The following RBFOX1 variants were observed in gnomAD, a reference collection of about 807,000 sequenced individuals.
RBFOX1 encodes RNA binding fox-1 homolog 1.
Under a neutral mutation model 57.7 loss-of-function variants are expected in RBFOX1, and 8 were observed. That is an observed-to-expected ratio of 0.14 (90% CI 0.08 to 0.25). The LOEUF is 0.25. RBFOX1 is among the 10% of genes least tolerant of loss of function. The pLI, the probability that RBFOX1 is intolerant of heterozygous loss-of-function variation, is 1.00. For missense variants in RBFOX1, 611 were observed against 548.5 expected (o/e 1.11, Z -1.14); for synonymous variants, 326 against 222.4 (o/e 1.47, Z -4.15).
At chr16:6,194,924 A>G (rs1031755887) in intron 1 of RBFOX1, among the ~76,000 whole-genome samples, 5 of 152,206 alleles carry the variant, frequency 3.3e-5, no homozygotes, top group African/African-American at 7.2e-5. Flanking sequence ...GTAGATATGA[A>G]TAGTTTTCAA....
At chr16:7,633,985 A>G (rs940408329) in intron 11 of RBFOX1, among the ~76,000 whole-genome samples, 2 of 152,164 alleles carry the variant, frequency 1.3e-5, no homozygotes, top group African/African-American at 4.8e-5. Context: ...GGTTATTTTT[A>G]CATGCAGGCC....
intron 4 of RBFOX1, among the ~76,000 whole-genome samples, chr16:7,128,818 C>CTTTTTTTTTTTTTTTTTTTT (rs759893956): frequency 7.9e-6 from 1 of 126,968 alleles, no homozygotes; most frequent in African/African-American, 3.0e-5. Flanking sequence ...TTTCTTTTTA[C>CTTTTTTTTTTTTTTTTTTTT]TTTTTTTTTT....
In RBFOX1 at chr16:7,627,914, ATT is replaced by A. The variant is rs34947164; in HGVS notation, c.677-2676_677-2675del. Among the ~76,000 whole-genome samples the A allele has an allele frequency of 5.4e-3, 789 of 146,952 alleles. 9 individuals carry two copies. Among genetic ancestry groups the A allele is most frequent in the African/African-American group, 0.018 (722 of 40,420 alleles). ...AAAAGGTCAAAATCATTGCATAAAG[ATT>A]TTTTTTTTTTTTAACTACGAAGAAA... On this transcript the variant is annotated intron_variant, in intron 10 of 15. Coordinates refer to ENST00000550418, the MANE Select transcript of RBFOX1 (RefSeq NM_018723.4).
At chr16:6,461,614 T>A (rs2094923402) in intron 2 of RBFOX1, among the ~76,000 whole-genome samples, 1 of 152,262 alleles carries the variant, frequency 6.6e-6, no homozygotes, top group South Asian at 2.1e-4. Context: ...TAACTTTGTC[T>A]TTTTTGTTCA....
intron 2 of RBFOX1, among the ~76,000 whole-genome samples, chr16:6,597,730 A>G (rs1177952006): frequency 6.6e-6 from 1 of 152,150 alleles, no homozygotes; most frequent in Admixed American, 6.6e-5. Flanking sequence ...AAACATCAGA[A>G]AGAAGTCCAC....
Position 6,112,537 on chromosome 16 carries a change from A to T in RBFOX1, c.-127+92545A>T, listed in dbSNP as rs186110294. Among the ~76,000 whole-genome samples the T allele has an allele frequency of 2.0e-3, 304 of 152,274 alleles. 1 individual carries two copies. Among genetic ancestry groups the T allele is most frequent in the Middle Eastern group, 6.8e-3 (2 of 294 alleles). On this transcript the variant is annotated intron_variant, in intron 1 of 15. Coordinates refer to ENST00000550418, the MANE Select transcript of RBFOX1 (RefSeq NM_018723.4). The stretch of plus-strand genomic sequence containing the variant: ...GAAACCCCGTCTCTACTAAAAATAC[A>T]AAAGTTAGCTGTGCATGGTGGTGCA...
At chr16:7,693,252 A>G in intron 14 of RBFOX1, 2 of 1,434,516 alleles carry the variant, frequency 1.4e-6, no homozygotes, top group South Asian at 2.3e-5. Context: ...ACATCGAAGC[A>G]ATTGGCAGAG....
intron 3 of RBFOX1, among the ~76,000 whole-genome samples, chr16:6,961,274 C>A (rs565309400): frequency 6.6e-6 from 1 of 152,320 alleles, no homozygotes; most frequent in South Asian, 2.1e-4. Flanking sequence ...GGAGACCCCA[C>A]CAGAGGAGAG....
At chr16:7,273,204 C>CCCTCCCTCCCTTCCTT (rs71280734) in intron 4 of RBFOX1, among the ~76,000 whole-genome samples, 6 of 35,146 alleles carry the variant, frequency 1.7e-4, no homozygotes, top group Non-Finnish European at 2.5e-4. Flanking sequence ...CTTCCTCCCT[C>CCCTCCCTCCCTTCCTT]CCTTCCTTCC....
rs183941109 is a variant in RBFOX1, at chr16:6,971,751, A to G, written c.-15-80306A>G. ...TGTGGACGGATTGGGGACATCGTGG[A>G]GATGTCACTTAAGTGGAGTGTCCAC... On this transcript the variant is annotated intron_variant, in intron 3 of 15. Coordinates refer to ENST00000550418, the MANE Select transcript of RBFOX1 (RefSeq NM_018723.4). Among the ~76,000 whole-genome samples, 273 of 151,984 alleles carry G rather than the reference A, an allele frequency of 1.8e-3. 2 individuals are homozygous for G. Among genetic ancestry groups the G allele is most frequent in the African/African-American group, 6.5e-3 (271 of 41,432 alleles).
At chr16:6,797,254 C>G (rs1055760188) in intron 3 of RBFOX1, among the ~76,000 whole-genome samples, 2 of 152,082 alleles carry the variant, frequency 1.3e-5, no homozygotes, top group African/African-American at 2.4e-5. Flanking sequence ...TTGTTATTCC[C>G]CCATAACGCT....
intron 2 of RBFOX1, among the ~76,000 whole-genome samples, chr16:5,472,655 C>A (rs1372427393): frequency 2.6e-5 from 4 of 152,168 alleles, no homozygotes; most frequent in Non-Finnish European, 4.4e-5. Context: ...CACCTCCTTT[C>A]ATCAGCTGTT....
intron 5 of RBFOX1, among the ~76,000 whole-genome samples, chr16:7,541,314 A>C (rs62009892): frequency 0.17 from 25,936 of 152,162 alleles, 2,785 homozygotes; most frequent in East Asian, 0.36. Context: ...GTTGGCTGCA[A>C]ATGTGAGGCA....
intron 2 of RBFOX1, among the ~76,000 whole-genome samples, chr16:6,548,696 G>A (rs898423002): frequency 7.2e-5 from 11 of 152,292 alleles, no homozygotes; most frequent in African/African-American, 2.6e-4. Flanking sequence ...ATTTCACGAT[G>A]TCGCAAGAAC....
chr16:6,245,310 G>C (rs1469073534), intron 1 of RBFOX1, among the ~76,000 whole-genome samples: 1 of 152,112 alleles, frequency 6.6e-6, no homozygotes, highest in Non-Finnish European at 1.5e-5. Context: ...ATCTGGCCCT[G>C]AATACCTTGC....
intron 2 of RBFOX1, among the ~76,000 whole-genome samples, chr16:6,487,640 G>A (rs1356839044): frequency 7.5e-6 from 1 of 132,892 alleles, no homozygotes; most frequent in African/African-American, 3.0e-5. Flanking sequence ...TAGAACTAGT[G>A]TTTTCAGCTT....
At chr16:6,063,577 A>G (rs1048667984) in intron 1 of RBFOX1, among the ~76,000 whole-genome samples, 3 of 151,774 alleles carry the variant, frequency 2.0e-5, no homozygotes, top group Non-Finnish European at 4.4e-5. Flanking sequence ...CACCAAAACT[A>G]CATCCTGGGT....
intron 4 of RBFOX1, among the ~76,000 whole-genome samples, chr16:7,269,695 T>G (rs2095269801): frequency 6.6e-6 from 1 of 152,230 alleles, no homozygotes; most frequent in Admixed American, 6.5e-5. Context: ...TTACTATTAT[T>G]AAGAATAATG....
At chr16:7,030,436 G>A (rs144914810) in intron 3 of RBFOX1, among the ~76,000 whole-genome samples, 1 of 152,192 alleles carries the variant, frequency 6.6e-6, no homozygotes, top group Non-Finnish European at 1.5e-5. Context: ...CAAAATGTCA[G>A]CAAGGCCAAG....
Sources: allele counts gnomAD v4.1 joint callset (sites outside exome capture counted in the v4.1 genomes callset), GRCh38; gene constraint gnomAD v4.1.1; transcripts MANE v1.5; gene names NCBI Gene and HGNC (gene_info 2026-07-23, HGNC 2026-07-21).